The following NFIB variants were observed in gnomAD, a reference collection of about 807,000 sequenced individuals.
NFIB encodes the protein nuclear factor I B, also known as nuclear factor 1 B-type.
In NFIB, 11 loss-of-function variants were observed where a neutral mutation model predicts 61.5. The observed-to-expected ratio is 0.18, with a 90% CI of 0.11 to 0.30. The LOEUF (loss-of-function observed/expected upper bound fraction) is 0.30, where lower values mean the gene tolerates loss of function less well. Among genes scored for constraint, NFIB ranks in the 10% least tolerant of loss-of-function variants. NFIB has a pLI of 1.00. For synonymous variants in NFIB, 260 were observed against 216.5 expected, an observed-to-expected ratio of 1.20 and a Z score of -1.76; for missense variants, 471 against 608.9, an observed-to-expected ratio of 0.77 and a Z score of 2.38.
chr9:14,464,377 G>C, the NFIB span, among the ~76,000 whole-genome samples: 2 of 152,114 alleles, frequency 1.3e-5, no homozygotes, highest in Non-Finnish European at 2.9e-5. Flanking sequence ...TTATCTCTTA[G>C]GCAGTGCTGT....
At chr9:14,175,919 G>A (rs1011142342) in intron 3 of NFIB, among the ~76,000 whole-genome samples, 11 of 152,120 alleles carry the variant, frequency 7.2e-5, no homozygotes, top group African/African-American at 2.7e-4. Context: ...TGACTTAGAA[G>A]CAAAAATCTG....
chr9:14,332,514 T>C (rs1232345872), intron 1 of NFIB, among the ~76,000 whole-genome samples: 1 of 152,052 alleles, frequency 6.6e-6, no homozygotes, highest in Non-Finnish European at 1.5e-5. Context: ...AACTGCATGT[T>C]CATAAATATT....
the NFIB span, among the ~76,000 whole-genome samples, chr9:14,517,842 A>T: frequency 6.6e-6 from 1 of 152,044 alleles, no homozygotes; most frequent in South Asian, 2.1e-4. Context: ...GGACCTTTGC[A>T]TATGGTCATC....
chr9:14,495,800 C>T, the NFIB span, among the ~76,000 whole-genome samples: 2 of 152,086 alleles, frequency 1.3e-5, no homozygotes, highest in African/African-American at 4.8e-5. Flanking sequence ...TGGAAAACTC[C>T]ACCATTGTTA....
intron 2 of NFIB, among the ~76,000 whole-genome samples, chr9:14,304,348 G>A (rs561525337): frequency 1.4e-4 from 21 of 152,376 alleles, no homozygotes; most frequent in Middle Eastern, 3.4e-3. Flanking sequence ...TCTTCCAGAA[G>A]AGATGCAGTG....
At position 14,313,369 on chromosome 9, in the gene NFIB, C is replaced by T. The variant is rs2060382920; in HGVS notation, c.30+113G>A. 6.8e-7 allele frequency: 1 copy of T among 1,479,378 alleles called. No homozygotes were observed. Among genetic ancestry groups the T allele is most frequent in the Non-Finnish European group, 9.2e-7 (1 of 1,086,194 alleles). 91.6% of individuals were successfully genotyped at this position (1,479,378 alleles called of 1,614,324 possible). ...CCGCTGCAACTCCGGGCCACTTCTC[C>T]AAGGGACGGGGATGTGCGGAGGTTA... On this transcript the variant is annotated intron_variant, in intron 1 of 10. Transcript: ENST00000380953. The surrounding 1 kb of genome is among the most constrained non-coding windows in gnomAD (Gnocchi z 4.5).
At chr9:14,226,327 C>T (rs2052410752) in intron 2 of NFIB, among the ~76,000 whole-genome samples, 1 of 152,082 alleles carries the variant, frequency 6.6e-6, no homozygotes, top group Non-Finnish European at 1.5e-5. Flanking sequence ...GCAGGAGTAT[C>T]ACTTGAGTCC....
intron 2 of NFIB, among the ~76,000 whole-genome samples, chr9:14,293,811 T>C (rs1461762288): frequency 6.6e-6 from 1 of 152,160 alleles, no homozygotes; most frequent in Non-Finnish European, 1.5e-5. Flanking sequence ...ATCTGGTATG[T>C]CATGTACAAA....
chr9:14,226,245 G>A (rs1027901354), intron 2 of NFIB, among the ~76,000 whole-genome samples: 4 of 151,764 alleles, frequency 2.6e-5, no homozygotes, highest in South Asian at 2.1e-4. Flanking sequence ...TAGGTAAAAC[G>A]ACCATCAACA....
intron 1 of NFIB, among the ~76,000 whole-genome samples, chr9:14,383,997 CG>C (rs2061520455): frequency 6.6e-6 from 1 of 152,144 alleles, no homozygotes; most frequent in Admixed American, 6.5e-5. Context: ...GAGAAAAGGC[CG>C]GGGTGCCCAG....
the NFIB span, among the ~76,000 whole-genome samples, chr9:14,468,090 C>A: frequency 6.6e-6 from 1 of 152,182 alleles, no homozygotes; most frequent in Non-Finnish European, 1.5e-5. Flanking sequence ...TATAGGGGAA[C>A]AAACCAACTT....
intron 3 of NFIB, among the ~76,000 whole-genome samples, chr9:14,177,683 A>G (rs1800200993): frequency 6.6e-6 from 1 of 152,188 alleles, no homozygotes; most frequent in African/African-American, 2.4e-5. Flanking sequence ...ACAATTTTCA[A>G]CTAATCATAA....
At chr9:14,423,373 A>G in the NFIB span, among the ~76,000 whole-genome samples, 6 of 152,324 alleles carry the variant, frequency 3.9e-5, no homozygotes, top group African/African-American at 4.8e-5. Context: ...ATGTAAATCA[A>G]GCCCTCTTAC....
intron 6 of NFIB, among the ~76,000 whole-genome samples, chr9:14,136,258 T>C (rs987166065): frequency 3.3e-5 from 5 of 152,322 alleles, no homozygotes; most frequent in South Asian, 4.1e-4. Flanking sequence ...TCTTGAGTAA[T>C]GTGTGTAAAC....
intron 2 of NFIB, among the ~76,000 whole-genome samples, chr9:14,234,336 T>C (rs1408471127): frequency 2.6e-5 from 4 of 151,458 alleles, no homozygotes; most frequent in Non-Finnish European, 4.4e-5. Context: ...AGGAATGAGA[T>C]TGATAAGAGG....
chr9:14,399,984 A>G (rs1183827707), upstream of NFIB, among the ~76,000 whole-genome samples: 4 of 152,028 alleles, frequency 2.6e-5, no homozygotes, highest in Non-Finnish European at 5.9e-5. Flanking sequence ...ACCTTGGAGT[A>G]CGTAACAGCT....
At chr9:14,448,944 G>A in the NFIB span, among the ~76,000 whole-genome samples, 12 of 152,316 alleles carry the variant, frequency 7.9e-5, no homozygotes, top group African/African-American at 2.4e-4. Flanking sequence ...AAAGGGAGTT[G>A]CTCCCAGTTT....
chr9:14,175,217 T>C (rs915171812), intron 3 of NFIB, among the ~76,000 whole-genome samples: 17 of 125,896 alleles, frequency 1.4e-4, no homozygotes, highest in African/African-American at 4.5e-4. Context: ...TTGTCCAGGA[T>C]GGCTGGAGTG....
intron 2 of NFIB, among the ~76,000 whole-genome samples, chr9:14,224,420 T>C (rs566027828): frequency 1.3e-5 from 2 of 152,208 alleles, no homozygotes. Context: ...GGATCACAGT[T>C]GGATGTTCTG....
Sources: allele counts gnomAD v4.1 joint callset (sites outside exome capture counted in the v4.1 genomes callset), GRCh38; gene constraint gnomAD v4.1.1; non-coding constraint Gnocchi (gnomAD v3.1); transcripts MANE v1.5; gene names NCBI Gene and HGNC (gene_info 2026-07-23, HGNC 2026-07-21).